The following CSMD2 variants were observed in gnomAD, a reference collection of about 807,000 sequenced individuals.
CSMD2 encodes the protein CUB and Sushi multiple domains 2, also known as CUB and sushi domain-containing protein 2.
In CSMD2, 130 loss-of-function variants were observed where a neutral mutation model predicts 398.5. That is an observed-to-expected ratio of 0.33 (90% CI 0.28 to 0.38). The LOEUF (loss-of-function observed/expected upper bound fraction) is 0.38, where lower values mean the gene tolerates loss of function less well. Ranked by LOEUF, CSMD2 falls within the 10% of genes least tolerant of loss-of-function variation. The probability of loss-of-function intolerance (pLI) is 1.00; values close to 1 mark genes in which losing one functional copy is unlikely to be tolerated. For missense variants in CSMD2, 3,829 were observed against 4,764.9 expected (o/e 0.80, Z 5.78); for synonymous variants, 1,828 against 1,908.5 (o/e 0.96, Z 1.10).
In CSMD2 at chr1:33,636,807, A is replaced by AAGG. The variant is rs1340240915; in HGVS notation, c.4775-256_4775-254dup. Among the ~76,000 whole-genome samples, 1 of 152,152 alleles carries AAGG rather than the reference A, an allele frequency of 6.6e-6. No homozygotes were observed. The highest frequency in any genetic ancestry group is 1.5e-5 in the Non-Finnish European group (1 of 68,014). On this transcript the variant is annotated intron_variant, in intron 29 of 70. Transcript: ENST00000373381. This position sits in a 1 kb window ranked among gnomAD's most constrained non-coding sequence, Gnocchi z 4.8. ...ATGTTCTTGCCTTGACCCACAGAGG[A>AAGG]AGGAGGCCCAGCAAAATCGCTGAGG...
chr1:33,538,735 A>C (rs978426196), intron 60 of CSMD2, among the ~76,000 whole-genome samples: 2 of 152,200 alleles, frequency 1.3e-5, no homozygotes, highest in African/African-American at 4.8e-5. Context: ...TGTGATGCCA[A>C]TTAAAGTAAT....
chr1:34,102,843 G>A (rs1246563565), intron 1 of CSMD2, among the ~76,000 whole-genome samples: 1 of 152,160 alleles, frequency 6.6e-6, no homozygotes, highest in Non-Finnish European at 1.5e-5. Context: ...CTCAAGCCAG[G>A]TGTTCCTGGT....
rs1643445449 is a variant in CSMD2, at chr1:33,646,651, T to A, written c.4771A>T (p.Thr1591Ser). Residue 1591 changes from threonine to serine, a missense_variant, in exon 29 of 71, where the codon ACA becomes TCA. Around this residue, in one of 5 missense-constraint regions of CSMD2, gnomAD observed 2,001 missense variants for 2,567.1 expected, o/e 0.78. Transcript: ENST00000373381. ...VSNAGFVIDY[T>S]ENPRESCFDP... The stretch of plus-strand genomic sequence containing the variant: ...TCTCTGGCACCAGGGCCCTTACCTG[T>A]ATAGTCAATGACGAAGCCAGCATTG... The A allele has an allele frequency of 6.2e-7, 1 of 1,613,362 alleles. No individual in the cohort carries two copies. Among genetic ancestry groups the A allele is most frequent in the African/African-American group, 1.3e-5 (1 of 74,910 alleles).
intron 25 of CSMD2, among the ~76,000 whole-genome samples, chr1:33,684,795 T>C (rs1231397639): frequency 2.6e-5 from 4 of 152,360 alleles, no homozygotes; most frequent in Non-Finnish European, 4.4e-5. Flanking sequence ...CTCCCTGTAG[T>C]CCACCCCCAA....
At chr1:33,964,112 G>C (rs1363766081) in intron 3 of CSMD2, among the ~76,000 whole-genome samples, 1 of 152,178 alleles carries the variant, frequency 6.6e-6, no homozygotes, top group Non-Finnish European at 1.5e-5. Context: ...TTGGGGATTA[G>C]AACAACTGCT....
intron 37 of CSMD2, 32 bp from the exon 38 acceptor site, chr1:33,617,649 A>G (rs772884770): frequency 5.8e-6 from 9 of 1,549,794 alleles, no homozygotes; most frequent in Admixed American, 3.3e-5. Flanking sequence ...GGAAAGGAGA[A>G]TGGACTAGCC....
chr1:34,097,869 T>C (rs1198855350), intron 1 of CSMD2, among the ~76,000 whole-genome samples: 13 of 100,356 alleles, frequency 1.3e-4, no homozygotes, highest in Non-Finnish European at 2.0e-4. Flanking sequence ...TCCTCAGGGA[T>C]CTAGAACTAG....
chr1:34,049,538 T>G (rs1012039428), intron 2 of CSMD2, among the ~76,000 whole-genome samples: 5 of 152,150 alleles, frequency 3.3e-5, no homozygotes, highest in African/African-American at 1.2e-4. Context: ...CAACCCCAGA[T>G]GCCATCTTTT....
rs544093739 is a variant in CSMD2 at position 33,616,480 on chromosome 1, C to T, written c.6016+426G>A. Among the ~76,000 whole-genome samples, 12 of 152,286 alleles carry T rather than the reference C, an allele frequency of 7.9e-5. No individual in the cohort carries two copies. In the South Asian group the frequency reaches 1.2e-3, roughly 16 times the overall value. On this transcript the variant is annotated intron_variant, in intron 39 of 70. Coordinates refer to ENST00000373381, the MANE Select transcript of CSMD2 (RefSeq NM_001281956.2). Reference sequence around the variant, plus strand: ...CTCGAACTCCTGACTTCAAGTGATCCGCCTGACTCGGCCTCCCAAAGTGCT... The same window carrying T: ...CTCGAACTCCTGACTTCAAGTGATCTGCCTGACTCGGCCTCCCAAAGTGCT...
intron 55 of CSMD2, among the ~76,000 whole-genome samples, chr1:33,554,277 T>G (rs1463511149): frequency 2.3e-5 from 3 of 130,620 alleles, no homozygotes; most frequent in African/African-American, 8.7e-5. Context: ...TGCAACCTCC[T>G]CCACCTCCCA....
chr1:33,999,408 T>C (rs1646827661), intron 3 of CSMD2, among the ~76,000 whole-genome samples: 1 of 152,188 alleles, frequency 6.6e-6, no homozygotes, highest in Admixed American at 6.5e-5. Flanking sequence ...TGCTATTTTT[T>C]TGAGATAGGG....
chr1:33,642,370 A>C (rs887562928), intron 29 of CSMD2, among the ~76,000 whole-genome samples: 1 of 150,700 alleles, frequency 6.6e-6, no homozygotes, highest in Non-Finnish European at 1.5e-5. Flanking sequence ...AAAAAAGGAA[A>C]GAAAACAACA....
At chr1:34,140,157 A>C (rs1639134223) in intron 1 of CSMD2, among the ~76,000 whole-genome samples, 1 of 152,162 alleles carries the variant, frequency 6.6e-6, no homozygotes, top group Non-Finnish European at 1.5e-5. Context: ...AAGTTATCCA[A>C]GGGCAAGACA....
intron 3 of CSMD2, among the ~76,000 whole-genome samples, chr1:34,020,105 G>A (rs1040648717): frequency 1.3e-5 from 2 of 152,146 alleles, no homozygotes; most frequent in Admixed American, 6.5e-5. Flanking sequence ...GGGAGTGATG[G>A]GTAACAGGTG....
chr1:34,074,481 G>A (rs967074519), intron 2 of CSMD2, among the ~76,000 whole-genome samples: 2 of 149,356 alleles, frequency 1.3e-5, no homozygotes, highest in Non-Finnish European at 2.9e-5. Flanking sequence ...TCTCACTTTT[G>A]CCTAGACCTA....
chr1:33,912,804 C>T (rs541211196), intron 5 of CSMD2, among the ~76,000 whole-genome samples: 1 of 152,138 alleles, frequency 6.6e-6, no homozygotes, highest in African/African-American at 2.4e-5. Flanking sequence ...TCCTCTTCTG[C>T]TTTTCTTTTT....
chr1:33,741,398 T>C (rs1414794365), intron 14 of CSMD2, among the ~76,000 whole-genome samples: 2 of 152,152 alleles, frequency 1.3e-5, no homozygotes, highest in Non-Finnish European at 2.9e-5. Flanking sequence ...ACTGACTGCA[T>C]CCGATCGCCT....
chr1:34,090,107 G>A (rs1658381498), intron 1 of CSMD2, among the ~76,000 whole-genome samples: 2 of 152,110 alleles, frequency 1.3e-5, no homozygotes, highest in South Asian at 2.1e-4. Flanking sequence ...GCCTCTGACT[G>A]CTCTTGCTCA....
chr1:34,032,664 G>A lies in CSMD2; in HGVS notation c.447C>T (p.Ala149=), dbSNP rs1402851427. ...TGATGAGGCGCAGAGAGAGGGTGGT[G>A]GCTGCACTAACAATGGTGGCTGGCA... ...FQLPATIVSA[A]TTLSLRLISD... is the part of the protein sequence containing the mutation. The change falls in exon 3 of 71, where the codon GCC becomes GCT. Residue 149 remains alanine (A), a synonymous_variant. Coordinates refer to ENST00000373381, the MANE Select transcript of CSMD2 (RefSeq NM_001281956.2). 3 of 1,602,112 alleles carry A rather than the reference G, an allele frequency of 1.9e-6. No homozygotes were observed. The East Asian group carries it at 6.7e-5, about 36-fold the overall frequency.
Sources: gnomAD v4.1 joint callset for allele counts (sites outside exome capture counted in the v4.1 genomes callset) on GRCh38, gnomAD v4.1.1 for gene constraint, gnomAD v4.1.1 regional missense constraint, Gnocchi (gnomAD v3.1) non-coding constraint, MANE v1.5 for transcripts, NCBI Gene and HGNC (gene_info 2026-07-23, HGNC 2026-07-21) for gene names.